Variants in RFX6 observed in about 807,000 individuals in gnomAD.
The protein encoded by RFX6 is DNA-binding protein RFX6.
RFX6 carries 50 observed loss-of-function variants against 110.8 expected under a neutral mutation model. The observed-to-expected ratio is 0.45, with a 90% CI of 0.36 to 0.57. The LOEUF is 0.57. Ranked by LOEUF, RFX6 falls within the 20% of genes least tolerant of loss-of-function variation. The pLI is 0.00. For missense variants in RFX6, 990 were observed against 1,127.0 expected, an observed-to-expected ratio of 0.88 and a Z score of 1.74; for synonymous variants, 383 against 411.2, an observed-to-expected ratio of 0.93 and a Z score of 0.83.
intron 1 of RFX6, 77 bp from the exon 2 acceptor site, chr6:116,877,719 A>G: frequency 6.9e-7 from 1 of 1,458,078 alleles, no homozygotes; most frequent in Non-Finnish European, 9.5e-7. Context: ...ACTCCTTTGA[A>G]GTTAAGGTAC....
At chr6:116,886,303 T>C (rs1395562007) in intron 4 of RFX6, among the ~76,000 whole-genome samples, 1 of 152,200 alleles carries the variant, frequency 6.6e-6, no homozygotes, top group Non-Finnish European at 1.5e-5. Context: ...TATTATAGGA[T>C]AGCTAGAGTA....
Position 116,924,723 on chromosome 6 carries a change from A to G in RFX6, c.1610A>G (p.Glu537Gly). ...GATGAATACATTCTCCTGGCCATGG[A>G]GACCCAGTTTAATAATGACAAAGAG... The part of the protein sequence containing the change: ...LLDEYILLAM[E>G]TQFNNDKEQE... The change falls in exon 15 of 19, where the codon GAG becomes GGG. Residue 537 changes from glutamate to glycine, a missense_variant. Glu to Gly is a moderately conservative substitution (Grantham distance 98). Around this residue, in one of 5 missense-constraint regions of RFX6, gnomAD observed 89 missense variants for 140.3 expected, o/e 0.63. Coordinates refer to ENST00000332958, the MANE Select transcript of RFX6 (RefSeq NM_173560.4). 6.2e-7 allele frequency: 1 copy of G among 1,602,920 alleles called. No individual in the cohort carries two copies. Among genetic ancestry groups the G allele is most frequent in the Non-Finnish European group, 8.5e-7 (1 of 1,169,804 alleles).
intron 6 of RFX6, among the ~76,000 whole-genome samples, chr6:116,906,894 A>C (rs1463882033): frequency 1.3e-5 from 2 of 149,740 alleles, no homozygotes; most frequent in Non-Finnish European, 3.0e-5. Flanking sequence ...TCTAGCTAAG[A>C]CTTCTAGTAC....
chr6:116,888,526 C>T (rs887105665), intron 4 of RFX6, among the ~76,000 whole-genome samples: 2 of 152,096 alleles, frequency 1.3e-5, no homozygotes, highest in African/African-American at 4.8e-5. Context: ...AAGAGATTAG[C>T]TAATCATCCC....
chr6:116,890,390 A>C (rs189963195), intron 4 of RFX6, among the ~76,000 whole-genome samples: 1 of 152,278 alleles, frequency 6.6e-6, no homozygotes, highest in African/African-American at 2.4e-5. Context: ...GGTAGCAAAT[A>C]TTAATTTGGT....
In RFX6 at chr6:116,916,251, T is replaced by TG; in HGVS notation, c.909_910insG (p.Pro304AlafsTer10). On this transcript the variant is annotated frameshift_variant, in exon 9 of 19. Transcript: ENST00000332958. LOFTEE classifies it high-confidence loss of function. ...GGCAAGGAATGCCTGACCATCTCCTTCCCCTGCTCGAAAATCCTGTTATCA... is the reference window on the plus strand; with the variant it reads ...GGCAAGGAATGCCTGACCATCTCCTTGCCCCTGCTCGAAAATCCTGTTATCA... 1.2e-6 allele frequency: 2 copies of TG among 1,613,168 alleles called. No individual in the cohort carries two copies. Among genetic ancestry groups the TG allele is most frequent in the Non-Finnish European group, 1.7e-6 (2 of 1,179,402 alleles).
At chr6:116,882,190 T>C (rs1324678125) in intron 3 of RFX6, among the ~76,000 whole-genome samples, 177 bp from the exon 4 acceptor site, 1 of 152,176 alleles carries the variant, frequency 6.6e-6, no homozygotes, top group Non-Finnish European at 1.5e-5. Context: ...AGTACCTCCC[T>C]GCCTCTGCTG....
At chr6:116,914,453 T>C (rs1562143725) in intron 7 of RFX6, among the ~76,000 whole-genome samples, 1 of 152,212 alleles carries the variant, frequency 6.6e-6, no homozygotes, top group Non-Finnish European at 1.5e-5. Flanking sequence ...AAAGGGTTAA[T>C]TTTTGACAAC....
intron 6 of RFX6, among the ~76,000 whole-genome samples, chr6:116,897,699 G>A (rs748097974): frequency 6.6e-6 from 1 of 152,190 alleles, no homozygotes; most frequent in Non-Finnish European, 1.5e-5. Flanking sequence ...GATAGTCTGT[G>A]TAAGAGAAGA....
intron 6 of RFX6, among the ~76,000 whole-genome samples, chr6:116,908,874 T>A (rs1456960356): frequency 2.0e-5 from 3 of 152,200 alleles, no homozygotes; most frequent in Admixed American, 6.5e-5. Flanking sequence ...TATATACTAC[T>A]GAATTTTGTT....
rs779483844 is a variant in RFX6 at position 116,880,538 on chromosome 6, T to G, written c.381-6T>G. On this transcript the variant is annotated splice_region_variant and splice_polypyrimidine_tract_variant and intron_variant, in intron 2 of 18. Coordinates refer to ENST00000332958, the MANE Select transcript of RFX6 (RefSeq NM_173560.4). The stretch of plus-strand genomic sequence containing the variant: ...ATTTGACCTAATTTTTGTTCCTTTT[T>G]CTTAGGCTTGAAGAGAATTACATTG... The G allele has an allele frequency of 2.1e-5, 34 of 1,611,740 alleles. No homozygotes were observed. The highest frequency in any genetic ancestry group is 2.8e-5 in the Non-Finnish European group (33 of 1,178,460).
In RFX6 at chr6:116,916,244, A is replaced by G. The variant is rs112703438; in HGVS notation, c.902A>G (p.His301Arg). ...CACTTTTGGCAAGGAATGCCTGACCATCTCCTTCCCCTGCTCGAAAATCCT... is the reference window on the plus strand; with the variant it reads ...CACTTTTGGCAAGGAATGCCTGACCGTCTCCTTCCCCTGCTCGAAAATCCT... ...LLHFWQGMPDHLLPLLENPVI... is the reference protein window; with the variant it reads ...LLHFWQGMPDRLLPLLENPVI... Residue 301 changes from histidine (H) to arginine (R), a missense_variant, in exon 9 of 19, where the codon CAT (histidine) becomes CGT (arginine). His to Arg is a conservative substitution (Grantham distance 29, BLOSUM62 0). Coordinates refer to ENST00000332958, the MANE Select transcript of RFX6 (RefSeq NM_173560.4). 1 of 1,612,798 alleles carries G rather than the reference A, an allele frequency of 6.2e-7. No individual in the cohort carries two copies. The highest frequency in any genetic ancestry group is 8.5e-7 in the Non-Finnish European group (1 of 1,179,290).
chr6:116,904,056 TG>T (rs1775141237), intron 6 of RFX6, among the ~76,000 whole-genome samples: 1 of 152,072 alleles, frequency 6.6e-6, no homozygotes, highest in African/African-American at 2.4e-5. Flanking sequence ...TTCTTATGCT[TG>T]GTATTAAATG....
chr6:116,915,552 C>A (rs1158830757), intron 7 of RFX6, among the ~76,000 whole-genome samples: 1 of 152,104 alleles, frequency 6.6e-6, no homozygotes, highest in Non-Finnish European at 1.5e-5. Flanking sequence ...ACCATTATGC[C>A]ATACTGCTCC....
intron 4 of RFX6, among the ~76,000 whole-genome samples, chr6:116,889,775 T>C (rs1262869695): frequency 6.6e-6 from 1 of 152,146 alleles, no homozygotes; most frequent in Non-Finnish European, 1.5e-5. Flanking sequence ...AATTTTAAAT[T>C]GTGGTGATAT....
chr6:116,906,744 TG>T (rs1775210582), intron 6 of RFX6, among the ~76,000 whole-genome samples: 3 of 36,890 alleles, frequency 8.1e-5, no homozygotes, highest in Non-Finnish European at 1.9e-4. Context: ...ATTTATGAGT[TG>T]TGTGTGTGTG....
chr6:116,880,423 A>C (rs1774564383), intron 2 of RFX6, 121 bp from the exon 3 acceptor site: 3 of 817,332 alleles, frequency 3.7e-6, no homozygotes, highest in Non-Finnish European at 5.9e-6. Flanking sequence ...AACGAAGTCT[A>C]CTTATGTCTA....
In RFX6 at chr6:116,882,350, A is replaced by G; in HGVS notation, c.505-17A>G. Reference sequence around the variant, plus strand: ...CATATACTTTCTAACGCCTAAAGTAATCATCTTTCTTTTTAGACAATTCGC... The same window carrying G: ...CATATACTTTCTAACGCCTAAAGTAGTCATCTTTCTTTTTAGACAATTCGC... On this transcript the variant is annotated splice_polypyrimidine_tract_variant and intron_variant, in intron 3 of 18. Transcript: ENST00000332958. 1 of 1,606,130 alleles carries G rather than the reference A, an allele frequency of 6.2e-7. No individual in the cohort carries two copies. The highest frequency in any genetic ancestry group is 8.5e-7 in the Non-Finnish European group (1 of 1,172,966).
intron 3 of RFX6, among the ~76,000 whole-genome samples, chr6:116,882,123 T>C (rs1253196358): frequency 1.3e-5 from 2 of 152,034 alleles, no homozygotes; most frequent in African/African-American, 2.4e-5. Flanking sequence ...AAAGCAGATA[T>C]TGGTATGATC....
Sources: gnomAD v4.1 joint callset for allele counts (sites outside exome capture counted in the v4.1 genomes callset) on GRCh38, gnomAD v4.1.1 for gene constraint, gnomAD v4.1.1 regional missense constraint, MANE v1.5 for transcripts, NCBI Gene and HGNC (gene_info 2026-07-23, HGNC 2026-07-21) for gene names.